SLC35F5: variants seen among roughly 807,000 people sequenced by gnomAD.
SLC35F5 encodes solute carrier family 35 member F5, also known as HCV NS5A-transactivated protein 3.
In SLC35F5, 54 loss-of-function variants were observed where a neutral mutation model predicts 68.6. That is an observed-to-expected ratio of 0.79 (90% CI 0.63 to 0.99). The LOEUF (loss-of-function observed/expected upper bound fraction) is 0.99, where lower values mean the gene tolerates loss of function less well. Ranked by LOEUF, SLC35F5 falls within the 50% of genes least tolerant of loss-of-function variation. The probability of loss-of-function intolerance (pLI) is 0.00; values close to 1 mark genes in which losing one functional copy is unlikely to be tolerated. For synonymous variants in SLC35F5, 211 were observed against 205.2 expected (o/e 1.03, Z -0.24); for missense variants, 567 against 626.9 (o/e 0.90, Z 1.02).
rs1352158967 is a variant in SLC35F5 at position 113,753,127 on chromosome 2, T to G, written c.273+2038A>C. On this transcript the variant is annotated intron_variant, in intron 3 of 15. Transcript: ENST00000245680. ...AATAACCATAATAAAAAGACTGATTTTCTTTTTGAAATACACACTTTATCT... is the reference window on the plus strand; with the variant it reads ...AATAACCATAATAAAAAGACTGATTGTCTTTTTGAAATACACACTTTATCT... 5.9e-5 allele frequency among the ~76,000 whole-genome samples: 9 copies of G among 151,300 alleles called. No individual in the cohort carries two copies. In the East Asian group the frequency reaches 1.7e-3, roughly 29 times the overall value.
At chr2:113,755,877 C>G in intron 1 of SLC35F5, 4 of 1,550,684 alleles carry the variant, frequency 2.6e-6, no homozygotes, top group Non-Finnish European at 3.5e-6. Context: ...AGGAATCCAT[C>G]CCTGGGGACA....
chr2:113,704,390 G>A (rs2104940601), downstream of SLC35F5, among the ~76,000 whole-genome samples: 1 of 152,360 alleles, frequency 6.6e-6, no homozygotes, highest in East Asian at 1.9e-4. Flanking sequence ...GGCCACAGGT[G>A]GAGCTGCCCG....
At chr2:113,715,358 A>G (rs1687139220) in intron 15 of SLC35F5, among the ~76,000 whole-genome samples, 163 bp from the exon 16 acceptor site, 1 of 152,238 alleles carries the variant, frequency 6.6e-6, no homozygotes, top group Non-Finnish European at 1.5e-5. Flanking sequence ...CTAAGAACTT[A>G]TGAATGTGAC....
rs1202129125 is a variant in SLC35F5, at chr2:113,738,353, C to T, written c.751-2495G>A. On this transcript the variant is annotated intron_variant, in intron 7 of 15. Transcript: ENST00000245680. ...TGAGATCATATTTGTGAGTATTTGACATTCTATGCCTGGCTTATTTCATTT... is the reference window on the plus strand; with the variant it reads ...TGAGATCATATTTGTGAGTATTTGATATTCTATGCCTGGCTTATTTCATTT... 3.9e-4 allele frequency among the ~76,000 whole-genome samples: 59 copies of T among 152,222 alleles called. 1 individual carries two copies. Among genetic ancestry groups the T allele is most frequent in the Non-Finnish European group, 1.5e-5 (1 of 67,974 alleles).
At chr2:113,745,583 T>C (rs1676453085) in intron 5 of SLC35F5, among the ~76,000 whole-genome samples, 2 of 152,108 alleles carry the variant, frequency 1.3e-5, no homozygotes, top group South Asian at 4.1e-4. Flanking sequence ...GACAAGGTGA[T>C]TGCTTAAGCC....
intron 7 of SLC35F5, chr2:113,742,400 T>A (rs1676311994): frequency 2.2e-6 from 1 of 464,186 alleles, no homozygotes; most frequent in Admixed American, 3.7e-5. Context: ...ATTTTGAGCA[T>A]GAGGCAATGC....
downstream of SLC35F5, among the ~76,000 whole-genome samples, chr2:113,704,276 C>T (rs1335415688): frequency 2.0e-5 from 3 of 152,140 alleles, no homozygotes; most frequent in African/African-American, 4.8e-5. Context: ...TTTGACAGGG[C>T]GCTGATTGGT....
At position 113,718,545 on chromosome 2, in the gene SLC35F5, T is replaced by A. The variant is rs182980536; in HGVS notation, c.1496+609A>T. Among the ~76,000 whole-genome samples, 1,077 of 152,144 alleles carry A rather than the reference T, an allele frequency of 7.1e-3. 11 individuals carry two copies. Among genetic ancestry groups the A allele is most frequent in the Middle Eastern group, 0.014 (4 of 294 alleles). ...TATTACCTGTGAATCATATTTTTTT[T>A]AAAAAAATGTAGTTACTAGGCAGGC... On this transcript the variant is annotated intron_variant, in intron 14 of 15. Coordinates refer to ENST00000245680, the MANE Select transcript of SLC35F5 (RefSeq NM_025181.5).
At position 113,711,371 on chromosome 2, in the gene SLC35F5, T is replaced by C. The variant is rs1412204065; in HGVS notation, c.*3847A>G. 2.6e-5 allele frequency among the ~76,000 whole-genome samples: 4 copies of C among 152,238 alleles called. No homozygotes were observed. The highest frequency in any genetic ancestry group is 7.2e-5 in the African/African-American group (3 of 41,466). On this transcript the variant is annotated 3_prime_UTR_variant, in exon 16 of 16. Transcript: ENST00000245680. Reference sequence around the variant, plus strand: ...AATTTTGTAGGAAAACACTATTTTTTAAATGTAGTAACATTAAAATATTAA... The same window carrying C: ...AATTTTGTAGGAAAACACTATTTTTCAAATGTAGTAACATTAAAATATTAA...
Position 113,709,577 on chromosome 2 carries a change from G to A in SLC35F5, c.*5641C>T, listed in dbSNP as rs190345196. Among the ~76,000 whole-genome samples the A allele has an allele frequency of 1.8e-4, 28 of 152,176 alleles. No homozygotes were observed. The highest frequency in any genetic ancestry group is 5.8e-4 in the African/African-American group (24 of 41,530). ...CTCCACTTCACAGCTAAGTAAATGC[G>A]GATCTACCAGATTGAATAATCTCCC... is the stretch of plus-strand genomic sequence containing the variant. On this transcript the variant is annotated 3_prime_UTR_variant, in exon 16 of 16. Coordinates refer to ENST00000245680, the MANE Select transcript of SLC35F5 (RefSeq NM_025181.5).
At chr2:113,719,062 C>T in intron 14 of SLC35F5, 92 bp downstream of exon 14, 1 of 1,198,506 alleles carries the variant, frequency 8.3e-7, no homozygotes, top group Non-Finnish European at 1.2e-6. Flanking sequence ...AATAATTCCT[C>T]ACAAAATCTC....
chr2:113,741,718 C>T (rs914846935), intron 7 of SLC35F5, among the ~76,000 whole-genome samples: 2 of 140,888 alleles, frequency 1.4e-5, no homozygotes, highest in African/African-American at 2.6e-5. Context: ...AAAAAAAGAT[C>T]GAAATGGTAT....
At chr2:113,723,959 A>G (rs1687559050) in intron 12 of SLC35F5, among the ~76,000 whole-genome samples, 1 of 152,204 alleles carries the variant, frequency 6.6e-6, no homozygotes, top group South Asian at 2.1e-4. Flanking sequence ...CCAAGATAAA[A>G]CCATAATGTA....
At chr2:113,702,941 G>T (rs573840312), downstream of SLC35F5, among the ~76,000 whole-genome samples, 2 of 151,902 alleles carry the variant, frequency 1.3e-5, no homozygotes, top group South Asian at 4.2e-4. Flanking sequence ...AGACCTCATT[G>T]CTACTAAAAA....
chr2:113,727,613 C>A (rs923694849), intron 11 of SLC35F5, among the ~76,000 whole-genome samples: 1 of 152,144 alleles, frequency 6.6e-6, no homozygotes, highest in Non-Finnish European at 1.5e-5. Flanking sequence ...TGTTCTTCTT[C>A]CACAAAGCGA....
chr2:113,725,532 C>A lies in SLC35F5; in HGVS notation c.1096G>T (p.Val366Leu). The A allele has an allele frequency of 6.3e-7, 1 of 1,576,850 alleles. No homozygotes were observed. Among genetic ancestry groups the A allele is most frequent in the Non-Finnish European group, 8.5e-7 (1 of 1,170,526 alleles). The change falls in exon 12 of 16, where the codon GTA (valine) becomes TTA (leucine). Residue 366 changes from valine (V) to leucine (L), a missense_variant. Transcript: ENST00000245680. ...KLDIPMFFGF[V>L]GLFNLLLLWP... ...AAGAGCAGCAGATTAAACAAACCTACAAAACCTGAACATGTATAAAAGAGA... is the reference window on the plus strand; with the variant it reads ...AAGAGCAGCAGATTAAACAAACCTAAAAAACCTGAACATGTATAAAAGAGA...
In SLC35F5 at chr2:113,750,619, T is replaced by C. The variant is rs773467780; in HGVS notation, c.274-51A>G. ...AACTCTGAGATGACCTTAAACCTTA[T>C]TACTCATCTCCAAAATAAAGTCACT... On this transcript the variant is annotated intron_variant, in intron 3 of 15. Transcript: ENST00000245680. The C allele has an allele frequency of 3.6e-5, 51 of 1,424,708 alleles. 1 individual carries two copies. In the East Asian group the frequency reaches 1.2e-3, roughly 34 times the overall value. 88.3% of individuals were successfully genotyped at this position (1,424,708 alleles called of 1,614,324 possible). A position where few individuals can be genotyped will look rare whatever the true frequency, so the allele number is the denominator to read the frequency against.
chr2:113,718,736 A>G (rs1687272228), intron 14 of SLC35F5, among the ~76,000 whole-genome samples: 1 of 152,052 alleles, frequency 6.6e-6, no homozygotes, highest in African/African-American at 2.4e-5. Flanking sequence ...CAGAGGTTGC[A>G]GTGAGCTGAG....
chr2:113,741,809 A>G (rs1676288666), intron 7 of SLC35F5: 2 of 152,184 alleles, frequency 1.3e-5, no homozygotes, highest in Admixed American at 6.5e-5. Context: ...AATCTGCTAT[A>G]AAGAATAGTG....
Sources: gnomAD v4.1 joint callset for allele counts (sites outside exome capture counted in the v4.1 genomes callset) on GRCh38, gnomAD v4.1.1 for gene constraint, MANE v1.5 for transcripts, NCBI Gene and HGNC (gene_info 2026-07-23, HGNC 2026-07-21) for gene names.